P2RY6: variants seen among roughly 807,000 people sequenced by gnomAD.
P2RY6 encodes P2Y purinoceptor 6.
In P2RY6, 19 loss-of-function variants were observed where a neutral mutation model predicts 16.3. That is an observed-to-expected ratio of 1.16 (90% confidence interval 0.81 to 1.71). The LOEUF (loss-of-function observed/expected upper bound fraction) is 1.71. Ranked by LOEUF, P2RY6 falls within the 40% of genes most tolerant of loss-of-function variation. The pLI, the probability that P2RY6 is intolerant of heterozygous loss-of-function variation, is 0.00. For synonymous variants in P2RY6, 184 were observed against 201.5 expected (o/e 0.91, Z 0.74); for missense variants, 389 against 455.5 (o/e 0.85, Z 1.33).
At chr11:73,296,259 A>G (rs940628357) in intron 2 of P2RY6, among the ~76,000 whole-genome samples, 1 of 146,244 alleles carries the variant, frequency 6.8e-6, no homozygotes, top group Non-Finnish European at 1.5e-5. Context: ...TATATATATA[A>G]TATATAAACA....
At chr11:73,285,178 TTCCCACCTCAGCC>T (rs1863920692) in intron 1 of P2RY6, among the ~76,000 whole-genome samples, 1 of 152,138 alleles carries the variant, frequency 6.6e-6, no homozygotes, top group Non-Finnish European at 1.5e-5. Flanking sequence ...TCAAGCGATT[TTCCCACCTCAGCC>T]TCCCAAGTAG....
intron 1 of P2RY6, among the ~76,000 whole-genome samples, chr11:73,273,330 C>T: frequency 6.6e-6 from 1 of 152,144 alleles, no homozygotes; most frequent in Non-Finnish European, 1.5e-5. Flanking sequence ...AAACTCTCCA[C>T]CCCTCAGTAT....
upstream of P2RY6, among the ~76,000 whole-genome samples, chr11:73,270,602 G>T (rs1281949817): frequency 1.3e-5 from 2 of 152,172 alleles, no homozygotes; most frequent in Non-Finnish European, 2.9e-5. Context: ...ATTGGGATTG[G>T]GGATTGGTTG....
chr11:73,295,900 C>G (rs538838441), intron 2 of P2RY6, 85 bp downstream of exon 2: 55 of 371,976 alleles, frequency 1.5e-4, no homozygotes, highest in Non-Finnish European at 1.7e-4. Context: ...CAGAGAGACA[C>G]CAGACCTGGC....
chr11:73,290,191 C>T (rs372120052), intron 1 of P2RY6, among the ~76,000 whole-genome samples: 1 of 151,184 alleles, frequency 6.6e-6, no homozygotes, highest in Non-Finnish European at 1.5e-5. Flanking sequence ...CATTGTACTC[C>T]AGCCTGGGCA....
At position 73,285,049 on chromosome 11, in the gene P2RY6, G is replaced by A. The variant is rs558563084; in HGVS notation, c.-120-10681G>A. Among the ~76,000 whole-genome samples, 9 of 152,278 alleles carry A rather than the reference G, an allele frequency of 5.9e-5. No individual in the cohort carries two copies. In the South Asian group the frequency reaches 1.5e-3, roughly 25 times the overall value. On this transcript the variant is annotated intron_variant, in intron 1 of 2. Coordinates refer to ENST00000540124, the MANE Select transcript of P2RY6 (RefSeq NM_001277204.2). Reference sequence around the variant, plus strand: ...AGGTCCCATGGAGAAGGTATCATTCGAGTGACCACCTGAGGGGGTCTGTCC... The same window carrying A: ...AGGTCCCATGGAGAAGGTATCATTCAAGTGACCACCTGAGGGGGTCTGTCC...
intron 1 of P2RY6, among the ~76,000 whole-genome samples, chr11:73,293,482 T>C (rs1418209321): frequency 6.6e-6 from 1 of 152,066 alleles, no homozygotes; most frequent in African/African-American, 2.4e-5. Flanking sequence ...GAGGCTGGGG[T>C]CTAGCCTGGT....
At chr11:73,278,177 T>G (rs892754903) in intron 1 of P2RY6, among the ~76,000 whole-genome samples, 2 of 136,890 alleles carry the variant, frequency 1.5e-5, no homozygotes, top group Non-Finnish European at 3.3e-5. Flanking sequence ...TTTATTTATT[T>G]ATTTATTTAT....
chr11:73,278,930 G>T (rs1256306809), intron 1 of P2RY6, among the ~76,000 whole-genome samples: 6 of 151,832 alleles, frequency 4.0e-5, no homozygotes, highest in African/African-American at 1.5e-4. Flanking sequence ...CTTATTTTTT[G>T]ATAAATAGCC....
Position 73,296,757 on chromosome 11 carries a change from C to T in P2RY6, c.239C>T (p.Pro80Leu), listed in dbSNP as rs763917707. The T allele has an allele frequency of 6.2e-7, 1 of 1,613,084 alleles. No individual in the cohort carries two copies. ...LADLLYACSL[P>L]LLIYNYAQGD... ...GACCTGCTATATGCCTGCTCCCTGCCCCTGCTCATCTACAACTATGCCCAA... is the reference window on the plus strand; with the variant it reads ...GACCTGCTATATGCCTGCTCCCTGCTCCTGCTCATCTACAACTATGCCCAA... Residue 80 changes from proline (P) to leucine (L), a missense_variant, in exon 3 of 3, where the codon CCC (proline) becomes CTC (leucine). Pro to Leu is a moderately conservative substitution (Grantham distance 98). Coordinates refer to ENST00000540124, the MANE Select transcript of P2RY6 (RefSeq NM_001277204.2).
intron 1 of P2RY6, among the ~76,000 whole-genome samples, chr11:73,281,813 G>A (rs759031551): frequency 1.1e-4 from 16 of 152,232 alleles, no homozygotes; most frequent in Non-Finnish European, 1.9e-4. Context: ...GCAAAGGTGA[G>A]GAGAGAACTC....
chr11:73,296,441 G>C (rs561055024), intron 2 of P2RY6, 44 bp from the exon 3 acceptor site: 3 of 1,537,414 alleles, frequency 2.0e-6, no homozygotes, highest in East Asian at 4.5e-5. Context: ...CCTGCTGGGT[G>C]GTGAGTGAGC....
intron 1 of P2RY6, among the ~76,000 whole-genome samples, chr11:73,289,789 C>G (rs916409239): frequency 5.9e-5 from 9 of 152,212 alleles, no homozygotes; most frequent in Non-Finnish European, 1.0e-4. Context: ...TGAAATGCCA[C>G]CTGGCTGGGA....
Position 73,297,498 on chromosome 11 carries a change from G to T in P2RY6, c.980G>T (p.Gly327Val). 9 of 1,605,764 alleles carry T rather than the reference G, an allele frequency of 5.6e-6. No individual in the cohort carries two copies. Among genetic ancestry groups the T allele is most frequent in the Non-Finnish European group, 7.7e-6 (9 of 1,173,986 alleles). ...CTCACAGCCAAATGGCAGAGGCAGGGTCGCTGAGTCCTCCAGGTCCTGGGC... is the reference window on the plus strand; with the variant it reads ...CTCACAGCCAAATGGCAGAGGCAGGTTCGCTGAGTCCTCCAGGTCCTGGGC... ...QKLTAKWQRQ[G>V]R The change falls in exon 3 of 3, where the codon GGT (glycine) becomes GTT (valine). Residue 327 changes from glycine to valine, a missense_variant. Gly to Val is a moderately radical substitution (Grantham distance 109, BLOSUM62 -3). Coordinates refer to ENST00000540124, the MANE Select transcript of P2RY6 (RefSeq NM_001277204.2).
At chr11:73,295,545 G>A (rs536648169) in intron 1 of P2RY6, among the ~76,000 whole-genome samples, 185 bp from the exon 2 acceptor site, 1 of 152,270 alleles carries the variant, frequency 6.6e-6, no homozygotes, top group East Asian at 1.9e-4. Flanking sequence ...ACTGTGCCTG[G>A]ATTTCCATCT....
Position 73,296,866 on chromosome 11 carries a change from C to G in P2RY6, c.348C>G (p.Phe116Leu). 1 of 1,610,820 alleles carries G rather than the reference C, an allele frequency of 6.2e-7. No individual in the cohort carries two copies. The highest frequency in any genetic ancestry group is 1.6e-4 in the Middle Eastern group (1 of 6,062). ...CCAACCTGCACGGCAGCATCCTCTT[C>G]CTCACCTGCATCAGCTTCCAGCGCT... is the stretch of plus-strand genomic sequence containing the variant. ...FYANLHGSIL[F>L]LTCISFQRYL... Residue 116 changes from phenylalanine (F) to leucine (L), a missense_variant, in exon 3 of 3, where the codon TTC becomes TTG. Phe to Leu is a conservative substitution (Grantham distance 22, BLOSUM62 0). Transcript: ENST00000540124.
chr11:73,285,876 C>A (rs1376088183), intron 1 of P2RY6, among the ~76,000 whole-genome samples: 1 of 152,202 alleles, frequency 6.6e-6, no homozygotes, highest in Non-Finnish European at 1.5e-5. Flanking sequence ...CTTGGGACAA[C>A]CTCTGCAGGG....
chr11:73,270,893 G>A (rs763948940), upstream of P2RY6, among the ~76,000 whole-genome samples: 19 of 152,128 alleles, frequency 1.2e-4, no homozygotes, highest in Non-Finnish European at 2.1e-4. Flanking sequence ...CCACCTGTCC[G>A]AGGCTGCAGC....
chr11:73,275,237 G>C (rs1863490118), intron 1 of P2RY6, among the ~76,000 whole-genome samples: 1 of 152,194 alleles, frequency 6.6e-6, no homozygotes, highest in Admixed American at 6.5e-5. Context: ...GACAGAGCCT[G>C]GCATCCTGAC....
Sources: gnomAD v4.1 joint callset for allele counts (sites outside exome capture counted in the v4.1 genomes callset) on GRCh38, gnomAD v4.1.1 for gene constraint, MANE v1.5 for transcripts, NCBI Gene and HGNC (gene_info 2026-07-23, HGNC 2026-07-21) for gene names.